PABPC4L: variants seen among roughly 807,000 people sequenced by gnomAD.
The protein encoded by PABPC4L is polyadenylate-binding protein 4-like.
For synonymous variants in PABPC4L, 169 were observed against 164.1 expected, an observed-to-expected ratio of 1.03 and a Z score of -0.23; for missense variants, 452 against 451.4, an observed-to-expected ratio of 1.00 and a Z score of -0.01.
the PABPC4L span, among the ~76,000 whole-genome samples, chr4:134,022,285 A>G: frequency 2.0e-5 from 3 of 152,124 alleles, no homozygotes; most frequent in Non-Finnish European, 4.4e-5. Context: ...CGGTACTCAA[A>G]TACATTTAAT....
the PABPC4L span, among the ~76,000 whole-genome samples, chr4:134,081,877 C>T: frequency 5.9e-5 from 9 of 152,126 alleles, no homozygotes; most frequent in Non-Finnish European, 1.2e-4. Flanking sequence ...AAATATAATG[C>T]TTCTATTCAT....
At chr4:133,991,244 T>C in the PABPC4L span, among the ~76,000 whole-genome samples, 1 of 152,272 alleles carries the variant, frequency 6.6e-6, no homozygotes, top group South Asian at 2.1e-4. Context: ...TGGCTGTTTG[T>C]TGGGTGTATA....
chr4:134,196,139 T>G (rs1016805973), downstream of PABPC4L, among the ~76,000 whole-genome samples: 1 of 151,460 alleles, frequency 6.6e-6, no homozygotes, highest in Admixed American at 6.6e-5. Context: ...GTTAGTGTTT[T>G]GTTTTCAACT....
the PABPC4L span, among the ~76,000 whole-genome samples, chr4:134,028,084 T>A: frequency 6.6e-6 from 1 of 152,134 alleles, no homozygotes; most frequent in Non-Finnish European, 1.5e-5. Flanking sequence ...AGCATCAGCA[T>A]CATTGGGAAC....
At chr4:133,966,596 A>G in the PABPC4L span, among the ~76,000 whole-genome samples, 4,471 of 152,298 alleles carry the variant, frequency 0.029, 102 homozygotes, top group Middle Eastern at 0.058. Context: ...AAACTGTGGT[A>G]TATTTATATA....
the PABPC4L span, among the ~76,000 whole-genome samples, chr4:134,060,689 T>C: frequency 0.19 from 28,103 of 151,514 alleles, 3,237 homozygotes; most frequent in Middle Eastern, 0.25. Context: ...TAAATAACCA[T>C]CAGCAATATC....
chr4:134,128,097 T>C, the PABPC4L span, among the ~76,000 whole-genome samples: 1 of 151,940 alleles, frequency 6.6e-6, no homozygotes, highest in Non-Finnish European at 1.5e-5. Context: ...ATGAACCCAA[T>C]TTGACGAAGA....
chr4:134,099,878 T>C, the PABPC4L span, among the ~76,000 whole-genome samples: 1 of 151,722 alleles, frequency 6.6e-6, no homozygotes, highest in African/African-American at 2.4e-5. Flanking sequence ...CTAACACCTA[T>C]CCAGTTTCAA....
chr4:134,026,905 C>A, the PABPC4L span, among the ~76,000 whole-genome samples: 1 of 152,014 alleles, frequency 6.6e-6, no homozygotes, highest in African/African-American at 2.4e-5. Context: ...TGGATTCTTC[C>A]TCATGGCTCT....
At chr4:134,149,859 T>C in the PABPC4L span, among the ~76,000 whole-genome samples, 3,417 of 152,132 alleles carry the variant, frequency 0.022, 130 homozygotes, top group African/African-American at 0.078. Context: ...AGTGGCTAGG[T>C]GAGCTTTTCA....
chr4:133,964,872 G>A, the PABPC4L span, among the ~76,000 whole-genome samples: 1 of 152,046 alleles, frequency 6.6e-6, no homozygotes, highest in South Asian at 2.1e-4. Context: ...TACTGAATGG[G>A]GAAAAGTTGA....
chr4:133,994,499 C>G, the PABPC4L span, among the ~76,000 whole-genome samples: 1 of 152,126 alleles, frequency 6.6e-6, no homozygotes, highest in Non-Finnish European at 1.5e-5. Context: ...GGGATGCGTG[C>G]TTTGCTTGGC....
the PABPC4L span, among the ~76,000 whole-genome samples, chr4:134,054,694 C>A: frequency 6.6e-6 from 1 of 151,864 alleles, no homozygotes; most frequent in Non-Finnish European, 1.5e-5. Context: ...CCTTTGATAT[C>A]CATTTGAGCT....
rs1222290214 is a variant in PABPC4L, at chr4:134,199,795, A to C, written c.*112T>G. On this transcript the variant is annotated 3_prime_UTR_variant, in exon 2 of 2. Transcript: ENST00000421491. ...AACGTTTTATCATAAAGTTTACTAA[A>C]CTAAGCACCCATCATGTGGAATATG... The C allele has an allele frequency of 7.4e-7, 1 of 1,357,432 alleles. No individual in the cohort carries two copies. The highest frequency in any genetic ancestry group is 1.5e-5 in the African/African-American group (1 of 67,156). 84.1% of individuals were successfully genotyped at this position (1,357,432 alleles called of 1,614,324 possible).
the PABPC4L span, among the ~76,000 whole-genome samples, chr4:134,050,142 AACATT>A: frequency 6.6e-6 from 1 of 152,196 alleles, no homozygotes; most frequent in Non-Finnish European, 1.5e-5. Flanking sequence ...GAAATTAAAT[AACATT>A]ACATTAAAAA....
At chr4:134,069,379 C>T in the PABPC4L span, among the ~76,000 whole-genome samples, 11 of 152,194 alleles carry the variant, frequency 7.2e-5, 1 homozygote, top group East Asian at 1.9e-3. Context: ...TTTAGCAAGG[C>T]TGGGGAAATT....
chr4:134,088,489 G>A, the PABPC4L span, among the ~76,000 whole-genome samples: 1 of 152,082 alleles, frequency 6.6e-6, no homozygotes, highest in East Asian at 1.9e-4. Context: ...GTGTGAATGT[G>A]GCCTCCAAAA....
At chr4:134,121,120 C>T in the PABPC4L span, among the ~76,000 whole-genome samples, 1 of 151,178 alleles carries the variant, frequency 6.6e-6, no homozygotes, top group South Asian at 2.1e-4. Flanking sequence ...TTCTTAATTT[C>T]AACTATAATT....
chr4:134,047,827 G>A, the PABPC4L span, among the ~76,000 whole-genome samples: 31 of 131,498 alleles, frequency 2.4e-4, no homozygotes, highest in African/African-American at 8.9e-4. Context: ...TTTTTTTTCT[G>A]ATATGGTCAT....
Sources: allele counts gnomAD v4.1 joint callset (sites outside exome capture counted in the v4.1 genomes callset), GRCh38; gene constraint gnomAD v4.1.1; transcripts MANE v1.5; gene names NCBI Gene and HGNC (gene_info 2026-07-23, HGNC 2026-07-21).